Variants in SAR1A observed in about 807,000 individuals in gnomAD.
The protein encoded by SAR1A is small COPII coat GTPase SAR1A.
SAR1A carries 6 observed loss-of-function variants against 22.6 expected under a neutral mutation model. That is an observed-to-expected ratio of 0.27 (90% CI 0.15 to 0.52). SAR1A has a LOEUF of 0.52. SAR1A is among the 20% of genes least tolerant of loss of function. The pLI is 0.96. For missense variants in SAR1A, 145 were observed against 245.1 expected (o/e 0.59, Z 2.73); for synonymous variants, 70 against 82.2 (o/e 0.85, Z 0.80).
chr10:70,167,554 G>A (rs1312098642), intron 1 of SAR1A: 6 of 150,908 alleles, frequency 4.0e-5, no homozygotes, highest in Admixed American at 4.0e-4. Context: ...AGTGAGCGGA[G>A]ATCGCTCCAC....
chr10:70,154,936 G>T (rs1377356127), intron 5 of SAR1A, among the ~76,000 whole-genome samples: 1 of 152,228 alleles, frequency 6.6e-6, no homozygotes, highest in Non-Finnish European at 1.5e-5. Context: ...GAAGGGCAGG[G>T]TTTGGATAGG....
chr10:70,159,983 CAA>C (rs1285071689), intron 4 of SAR1A, among the ~76,000 whole-genome samples: 1 of 152,158 alleles, frequency 6.6e-6, no homozygotes, highest in African/African-American at 2.4e-5. Flanking sequence ...ATAGAATATA[CAA>C]AATATCAACT....
intron 1 of SAR1A, among the ~76,000 whole-genome samples, chr10:70,166,195 C>T (rs1839547880): frequency 2.6e-5 from 4 of 152,226 alleles, no homozygotes; most frequent in Admixed American, 2.6e-4. Flanking sequence ...CTTTACTGTA[C>T]TTGTTTTATT....
chr10:70,159,855 A>G (rs1321560262), intron 4 of SAR1A, among the ~76,000 whole-genome samples: 1 of 152,234 alleles, frequency 6.6e-6, no homozygotes, highest in Admixed American at 6.5e-5. Context: ...GACACTCTGT[A>G]TGTCTCTAAA....
At chr10:70,161,130 T>C (rs1839462816) in intron 3 of SAR1A, 61 bp from the exon 4 acceptor site, 1 of 1,193,816 alleles carries the variant, frequency 8.4e-7, no homozygotes, top group Non-Finnish European at 1.2e-6. Context: ...CAACTACTAG[T>C]ACTATAAGCC....
chr10:70,162,635 T>C (rs1055033446), intron 1 of SAR1A: 9 of 152,228 alleles, frequency 5.9e-5, no homozygotes, highest in Non-Finnish European at 1.0e-4. Flanking sequence ...TGTTTCCTAA[T>C]AGTTTTTGAT....
In SAR1A at chr10:70,150,360, G is replaced by A. The variant is rs1176070792; in HGVS notation, c.*2116C>T. ...AATTCCTATACAAGGTGCTGATCCT[G>A]TGTTTGGAGCTGAGCTCCTCACAGC... On this transcript the variant is annotated 3_prime_UTR_variant, in exon 7 of 7. Coordinates refer to ENST00000373241, the MANE Select transcript of SAR1A (RefSeq NM_020150.5). 1 of 152,224 alleles carries A rather than the reference G, an allele frequency of 6.6e-6. No homozygotes were observed. Among genetic ancestry groups the A allele is most frequent in the Non-Finnish European group, 1.5e-5 (1 of 68,046 alleles). 9.4% of individuals were successfully genotyped at this position (152,224 alleles called of 1,614,324 possible). A position where few individuals can be genotyped will look rare whatever the true frequency, so the allele number is the denominator to read the frequency against.
At chr10:70,165,215 A>AGAT (rs1442012073) in intron 1 of SAR1A, among the ~76,000 whole-genome samples, 21 of 145,956 alleles carry the variant, frequency 1.4e-4, no homozygotes, top group South Asian at 1.3e-3. Flanking sequence ...CAGTGAGCCG[A>AGAT]GATCCCGCCA....
rs370487001 is a variant in SAR1A, at chr10:70,162,134, G to A, written c.-16-203C>T. On this transcript the variant is annotated intron_variant, in intron 1 of 6. Coordinates refer to ENST00000373241, the MANE Select transcript of SAR1A (RefSeq NM_020150.5). Reference sequence around the variant, plus strand: ...GCAGGCGGATCACTTGAGCCCAGGAGTTCACAACTGGCCTGGGCAAGAAAG... The same window carrying A: ...GCAGGCGGATCACTTGAGCCCAGGAATTCACAACTGGCCTGGGCAAGAAAG... Among the ~76,000 whole-genome samples, 19 of 152,126 alleles carry A rather than the reference G, an allele frequency of 1.2e-4. No individual in the cohort carries two copies. In the South Asian group the frequency reaches 3.7e-3, roughly 30 times the overall value.
At chr10:70,154,002 A>G in intron 5 of SAR1A, 33 bp from the exon 6 acceptor site, 1 of 1,523,184 alleles carries the variant, frequency 6.6e-7, no homozygotes, top group Non-Finnish European at 8.8e-7. Flanking sequence ...AAAAGAAAAA[A>G]AAGAATTAAG....
chr10:70,167,858 G>A (rs373758136), intron 1 of SAR1A, among the ~76,000 whole-genome samples: 1 of 152,216 alleles, frequency 6.6e-6, no homozygotes, highest in Non-Finnish European at 1.5e-5. Context: ...TCAGCAGAAA[G>A]ACTGCATTTA....
chr10:70,155,290 A>G (rs1388406034), intron 5 of SAR1A, among the ~76,000 whole-genome samples: 1 of 152,236 alleles, frequency 6.6e-6, no homozygotes, highest in Non-Finnish European at 1.5e-5. Flanking sequence ...AGAATTGAAG[A>G]GACCAATGTC....
rs1327425694 is a variant in SAR1A, at chr10:70,151,941, C to T, written c.*535G>A. ...CAGGTGAGCTCAGGGGAGCTTCTCT[C>T]ACCAACCTGCTAACTCAGCAGGAGT... On this transcript the variant is annotated 3_prime_UTR_variant, in exon 7 of 7. Transcript: ENST00000373241. The T allele has an allele frequency of 6.0e-6, 1 of 166,824 alleles. No homozygotes were observed. Among genetic ancestry groups the T allele is most frequent in the Non-Finnish European group, 1.3e-5 (1 of 77,018 alleles). The allele number at this position is 166,824 out of a possible 1,614,324, so 10.3% of individuals were successfully genotyped here.
Position 70,158,757 on chromosome 10 carries a change from CA to C in SAR1A, c.245-891del, listed in dbSNP as rs58884949. 9.1e-4 allele frequency among the ~76,000 whole-genome samples: 114 copies of C among 125,716 alleles called. 1 individual carries two copies. Among genetic ancestry groups the C allele is most frequent in the Admixed American group, 2.4e-3 (29 of 12,212 alleles). The allele number at this position is 125,716 out of a possible 152,430, so 82.5% of individuals were successfully genotyped here. ...TATAAGTTAAAATTTTTAAGTTATA[CA>C]AAAAAAAAAAAAGGAAACCTCCAGA... On this transcript the variant is annotated intron_variant, in intron 4 of 6. Transcript: ENST00000373241.
intron 1 of SAR1A, among the ~76,000 whole-genome samples, chr10:70,168,733 C>T (rs1312190092): frequency 6.6e-6 from 1 of 152,128 alleles, no homozygotes; most frequent in Non-Finnish European, 1.5e-5. Flanking sequence ...TGGAGGCTGA[C>T]TGAAGAAACT....
At position 70,161,730 on chromosome 10, in the gene SAR1A, T is replaced by C; in HGVS notation, c.67A>G (p.Lys23Glu). The change falls in exon 3 of 7, where the codon AAG becomes GAG. Residue 23 changes from lysine (K) to glutamate (E), a missense_variant. By Grantham distance (56) the Lys-to-Glu change is moderately conservative (BLOSUM62 1). Coordinates refer to ENST00000373241, the MANE Select transcript of SAR1A (RefSeq NM_020150.5). ...AAGAATACAAGTTTTCCAGATTTCT[T>C]GTACAGTCCTAAAAGAGAAAAAAAT... is the stretch of plus-strand genomic sequence containing the variant. The part of the protein sequence containing the change: ...SSVLQFLGLY[K>E]KSGKLVFLGL... 1 of 1,613,994 alleles carries C rather than the reference T, an allele frequency of 6.2e-7. No individual in the cohort carries two copies. The highest frequency in any genetic ancestry group is 8.5e-7 in the Non-Finnish European group (1 of 1,180,030).
chr10:70,156,489 C>T (rs968232072), intron 5 of SAR1A, among the ~76,000 whole-genome samples: 2 of 151,880 alleles, frequency 1.3e-5, no homozygotes, highest in African/African-American at 4.8e-5. Context: ...CATAATGAGA[C>T]CCTGTCTCTA....
rs1236083497 is a variant in SAR1A at position 70,149,804 on chromosome 10, C to T, written c.*2672G>A. The T allele has an allele frequency of 6.6e-6, 1 of 152,146 alleles. No homozygotes were observed. The highest frequency in any genetic ancestry group is 2.4e-5 in the African/African-American group (1 of 41,402). 9.4% of individuals were successfully genotyped at this position (152,146 alleles called of 1,614,324 possible). Reference sequence around the variant, plus strand: ...TCCTGAGCTCAGACAATCCACCCACCTCAGCCTCCCAAAGTGCTAGGATTA... The same window carrying T: ...TCCTGAGCTCAGACAATCCACCCACTTCAGCCTCCCAAAGTGCTAGGATTA... On this transcript the variant is annotated 3_prime_UTR_variant, in exon 7 of 7. Coordinates refer to ENST00000373241, the MANE Select transcript of SAR1A (RefSeq NM_020150.5).
At chr10:70,157,413 A>C (rs1181190348) in intron 5 of SAR1A, among the ~76,000 whole-genome samples, 1 of 7,296 alleles carries the variant, frequency 1.4e-4, no homozygotes, top group South Asian at 6.6e-3. Flanking sequence ...AAAAAAAAAA[A>C]AAAAAAAAAA....
Sources: allele counts gnomAD v4.1 joint callset (sites outside exome capture counted in the v4.1 genomes callset), GRCh38; gene constraint gnomAD v4.1.1; transcripts MANE v1.5; gene names NCBI Gene and HGNC (gene_info 2026-07-23, HGNC 2026-07-21).